ZDHHC13: variants seen among roughly 807,000 people sequenced by gnomAD.
The protein encoded by ZDHHC13 is palmitoyltransferase ZDHHC13.
A neutral mutation model predicts 86.0 loss-of-function variants in ZDHHC13; 85 were observed. The ratio of observed to expected loss-of-function variants is 0.99; its 90% CI spans 0.83 to 1.18. The LOEUF is 1.18. ZDHHC13 is among the 50% of genes most tolerant of loss of function. The pLI is 0.00. For synonymous variants in ZDHHC13, 263 were observed against 246.4 expected (o/e 1.07, Z -0.63); for missense variants, 711 against 730.2 (o/e 0.97, Z 0.30).
At chr11:19,151,091 T>C (rs1030763631) in intron 6 of ZDHHC13, among the ~76,000 whole-genome samples, 4 of 152,066 alleles carry the variant, frequency 2.6e-5, no homozygotes, top group Admixed American at 1.3e-4. Context: ...ATGACTTGTA[T>C]TTCTTCCTTT....
intron 14 of ZDHHC13, chr11:19,168,805 T>A: frequency 1.0e-6 from 1 of 985,456 alleles, no homozygotes; most frequent in African/African-American, 1.7e-5. Context: ...ACAGCCTCCA[T>A]CCATTTCATC....
At chr11:19,138,865 C>A (rs546392198) in intron 1 of ZDHHC13, among the ~76,000 whole-genome samples, 1 of 151,938 alleles carries the variant, frequency 6.6e-6, no homozygotes, top group African/African-American at 2.4e-5. Context: ...ATTCAACAAC[C>A]CTTCATGCTA....
At chr11:19,136,785 A>G (rs1489511476) in intron 1 of ZDHHC13, among the ~76,000 whole-genome samples, 2 of 152,138 alleles carry the variant, frequency 1.3e-5, no homozygotes, top group African/African-American at 4.8e-5. Flanking sequence ...AAAGAAAAGA[A>G]TTTTCAACCC....
intron 1 of ZDHHC13, among the ~76,000 whole-genome samples, chr11:19,124,791 A>G (rs1848837575): frequency 6.6e-6 from 1 of 152,178 alleles, no homozygotes; most frequent in East Asian, 1.9e-4. Flanking sequence ...TACCAGATAA[A>G]TCAGAATTTA....
In ZDHHC13 at chr11:19,126,988, G is replaced by A. The variant is rs180939259; in HGVS notation, c.27+9712G>A. On this transcript the variant is annotated intron_variant, in intron 1 of 16. Transcript: ENST00000446113. ...TGGGTATATACCCAGTAATGGGATT[G>A]CTGGGTTGAATGGTAGTTCTGCTTT... Among the ~76,000 whole-genome samples the A allele has an allele frequency of 3.1e-3, 471 of 152,308 alleles. 3 individuals carry two copies. Among genetic ancestry groups the A allele is most frequent in the African/African-American group, 0.011 (459 of 41,570 alleles).
In ZDHHC13 at chr11:19,149,196, T is replaced by A. The variant is rs1316333658; in HGVS notation, c.384T>A (p.His128Gln). The change falls in exon 5 of 17, where the codon CAT becomes CAA. Residue 128 changes from histidine (H) to glutamine (Q), a missense_variant. Transcript: ENST00000446113. ...TGTCTTCTATTTGCAGACAAGGACA[T>A]TTACCTATGGTCATATTATTACTCC... ...TPLHWAIRQG[H>Q]LPMVILLLQH... 1.9e-6 allele frequency: 3 copies of A among 1,570,978 alleles called. No individual in the cohort carries two copies. The highest frequency in any genetic ancestry group is 2.6e-6 in the Non-Finnish European group (3 of 1,153,070).
intron 3 of ZDHHC13, among the ~76,000 whole-genome samples, chr11:19,147,390 T>A (rs542978948): frequency 5.9e-5 from 9 of 152,270 alleles, no homozygotes; most frequent in African/African-American, 2.2e-4. Context: ...GACTAATTAC[T>A]TACATCCTAA....
chr11:19,175,262 C>T lies in ZDHHC13; in HGVS notation c.1731-560C>T, dbSNP rs1242384262. 8.6e-5 allele frequency among the ~76,000 whole-genome samples: 13 copies of T among 151,458 alleles called. No homozygotes were observed. The East Asian group carries it at 2.0e-3, about 23-fold the overall frequency. On this transcript the variant is annotated intron_variant, in intron 16 of 16. Transcript: ENST00000446113. ...AAAATTAGCCGGGTGTGGTGGTGGG[C>T]GCCTATAGTCCCAGCTACTCAGGAG...
At chr11:19,137,496 T>G (rs1010150437) in intron 1 of ZDHHC13, among the ~76,000 whole-genome samples, 6 of 151,334 alleles carry the variant, frequency 4.0e-5, no homozygotes, top group Non-Finnish European at 8.9e-5. Flanking sequence ...CTGTCAACAT[T>G]AGACAGATCA....
At position 19,170,702 on chromosome 11, in the gene ZDHHC13, C is replaced by G. The variant is rs936085548; in HGVS notation, c.1632+134C>G. The stretch of plus-strand genomic sequence containing the variant: ...ACTGACTCTGTGGGTCTAGCCATGT[C>G]ATTTAACCACACTTGAATTTCAGGT... On this transcript the variant is annotated intron_variant, in intron 15 of 16. Coordinates refer to ENST00000446113, the MANE Select transcript of ZDHHC13 (RefSeq NM_019028.3). 1.7e-5 allele frequency: 14 copies of G among 842,694 alleles called. No individual in the cohort carries two copies. In the South Asian group the frequency reaches 2.3e-4, roughly 14 times the overall value. The allele number at this position is 842,694 out of a possible 1,614,324, so 52.2% of individuals were successfully genotyped here.
At chr11:19,151,986 T>TA (rs776883045) in intron 6 of ZDHHC13, among the ~76,000 whole-genome samples, 172 bp from the exon 7 acceptor site, 19 of 152,142 alleles carry the variant, frequency 1.2e-4, no homozygotes, top group Admixed American at 3.3e-4. Flanking sequence ...TCTTTTTTTT[T>TA]AATCTCCTAT....
At chr11:19,164,438 A>C (rs766022377) in intron 12 of ZDHHC13, 75 bp downstream of exon 12, 1 of 1,385,720 alleles carries the variant, frequency 7.2e-7, no homozygotes, top group Admixed American at 1.9e-5. Flanking sequence ...AGCATTTGTC[A>C]GATCTTCATG....
rs141948546 is a variant in ZDHHC13 at position 19,162,444 on chromosome 11, G to A, written c.1109-859G>A. ...TCTCTCCAGGGAATCAGAAAAGATT[G>A]CAAGGAAGGAGGGAAAATATAAGTT... On this transcript the variant is annotated intron_variant, in intron 10 of 16. Transcript: ENST00000446113. Among the ~76,000 whole-genome samples, 49 of 152,192 alleles carry A rather than the reference G, an allele frequency of 3.2e-4. 1 individual carries two copies. Among genetic ancestry groups the A allele is most frequent in the African/African-American group, 1.1e-3 (45 of 41,530 alleles).
intron 5 of ZDHHC13, 82 bp downstream of exon 5, chr11:19,149,413 T>C (rs1355838091): frequency 3.8e-6 from 5 of 1,315,508 alleles, no homozygotes; most frequent in Non-Finnish European, 5.0e-6. Flanking sequence ...TCTCTTCTCA[T>C]TTTTAAAGTG....
intron 14 of ZDHHC13, chr11:19,167,026 G>A (rs1850091288): frequency 6.6e-6 from 1 of 152,212 alleles, no homozygotes; most frequent in Non-Finnish European, 1.5e-5. Flanking sequence ...GGTTTAAATT[G>A]AACCAAGAAA....
intron 15 of ZDHHC13, 43 bp from the exon 16 acceptor site, chr11:19,172,680 G>T: frequency 6.8e-7 from 1 of 1,465,308 alleles, no homozygotes; most frequent in Non-Finnish European, 9.2e-7. Context: ...TTATCTAAAA[G>T]TTGCACACTG....
chr11:19,146,225 A>G lies in ZDHHC13; in HGVS notation c.218A>G (p.Tyr73Cys). 1 of 1,611,918 alleles carries G rather than the reference A, an allele frequency of 6.2e-7. No individual in the cohort carries two copies. Reference protein sequence around the residue: ...ERCKELVEAGYDVRQPDKENV... With the variant: ...ERCKELVEAGCDVRQPDKENV... ...TGTAAAGAGTTGGTAGAAGCAGGATATGATGTCAGGCAACCAGATAAAGAA... is the reference window on the plus strand; with the variant it reads ...TGTAAAGAGTTGGTAGAAGCAGGATGTGATGTCAGGCAACCAGATAAAGAA... The change falls in exon 3 of 17, where the codon TAT becomes TGT. Residue 73 changes from tyrosine (Y) to cysteine (C), a missense_variant. Physicochemically the swap from Tyr to Cys is radical, Grantham distance 194. Transcript: ENST00000446113.
At chr11:19,133,178 T>C (rs1006766735) in intron 1 of ZDHHC13, among the ~76,000 whole-genome samples, 3 of 152,214 alleles carry the variant, frequency 2.0e-5, no homozygotes, top group South Asian at 2.1e-4. Flanking sequence ...ATTCATCAGA[T>C]TGGCAAAAGT....
chr11:19,152,345 T>C (rs1044200185), intron 7 of ZDHHC13, 25 bp downstream of exon 7: 4 of 1,605,316 alleles, frequency 2.5e-6, no homozygotes, highest in Non-Finnish European at 3.4e-6. Context: ...TTATCTCCCT[T>C]AGTTTATTAT....
Sources: gnomAD v4.1 joint callset for allele counts (sites outside exome capture counted in the v4.1 genomes callset) on GRCh38, gnomAD v4.1.1 for gene constraint, MANE v1.5 for transcripts, NCBI Gene and HGNC (gene_info 2026-07-23, HGNC 2026-07-21) for gene names.